Variants in NLGN1 observed in about 807,000 individuals in gnomAD.
The protein encoded by NLGN1 is neuroligin-1.
NLGN1 carries 12 observed loss-of-function variants against 65.5 expected under a neutral mutation model. That is an observed-to-expected ratio of 0.18 (90% CI 0.12 to 0.30). The LOEUF is 0.30. NLGN1 is among the 10% of genes least tolerant of loss of function. NLGN1 has a pLI of 1.00. For missense variants in NLGN1, 750 were observed against 1,007.1 expected, an observed-to-expected ratio of 0.74 and a Z score of 3.46; for synonymous variants, 350 against 359.5, an observed-to-expected ratio of 0.97 and a Z score of 0.30.
At chr3:173,881,558 G>A (rs13070833) in intron 4 of NLGN1, among the ~76,000 whole-genome samples, 1 of 151,520 alleles carries the variant, frequency 6.6e-6, no homozygotes, top group African/African-American at 2.4e-5. Context: ...CCGAGTAGCT[G>A]GGACTACAGG....
At chr3:173,961,647 A>T (rs1326660972) in intron 4 of NLGN1, among the ~76,000 whole-genome samples, 3 of 152,128 alleles carry the variant, frequency 2.0e-5, no homozygotes, top group Non-Finnish European at 4.4e-5. Flanking sequence ...GAAAAACCAT[A>T]TGAGAAGACA....
intron 4 of NLGN1, among the ~76,000 whole-genome samples, chr3:174,123,458 C>G (rs1330477362): frequency 1.3e-5 from 2 of 152,036 alleles, no homozygotes; most frequent in Admixed American, 6.6e-5. Context: ...GGGGTTTCTT[C>G]CCTGGTTTGG....
chr3:173,574,232 T>C (rs1489314433), intron 2 of NLGN1, among the ~76,000 whole-genome samples: 1 of 151,988 alleles, frequency 6.6e-6, no homozygotes, highest in East Asian at 1.9e-4. Context: ...TTAAATGTGC[T>C]CTTTTTATAA....
At chr3:173,748,247 T>C (rs1578241988) in intron 3 of NLGN1, among the ~76,000 whole-genome samples, 1 of 152,176 alleles carries the variant, frequency 6.6e-6, no homozygotes, top group African/African-American at 2.4e-5. Context: ...AAATTTCAAG[T>C]GTGGAAGATA....
intron 4 of NLGN1, among the ~76,000 whole-genome samples, chr3:173,808,525 A>G (rs908057816): frequency 3.9e-5 from 6 of 152,156 alleles, no homozygotes; most frequent in African/African-American, 1.4e-4. Context: ...CTTATACAAT[A>G]ACCAGTTTTT....
intron 1 of NLGN1, among the ~76,000 whole-genome samples, chr3:173,427,860 TGG>T (rs796879940): frequency 1.0e-3 from 146 of 143,326 alleles, no homozygotes; most frequent in African/African-American, 4.2e-3. Flanking sequence ...TTTTTTTTTT[TGG>T]TTGAGTTTCT....
chr3:173,840,434 G>C (rs1232508622), intron 4 of NLGN1, among the ~76,000 whole-genome samples: 1 of 152,172 alleles, frequency 6.6e-6, no homozygotes, highest in African/African-American at 2.4e-5. Flanking sequence ...GCATGTAAAA[G>C]TGGAGAGTAA....
intron 4 of NLGN1, among the ~76,000 whole-genome samples, chr3:174,215,962 C>G (rs920196429): frequency 6.6e-6 from 1 of 152,100 alleles, no homozygotes; most frequent in East Asian, 1.9e-4. Flanking sequence ...TACTTGCTCC[C>G]TCTTCAACAG....
intron 4 of NLGN1, among the ~76,000 whole-genome samples, chr3:174,225,486 C>T (rs1229070470): frequency 6.6e-6 from 1 of 152,176 alleles, no homozygotes; most frequent in Non-Finnish European, 1.5e-5. Flanking sequence ...AATCCCAGCA[C>T]TTTGGGAGGC....
chr3:173,740,736 G>C (rs1027936998), intron 3 of NLGN1, among the ~76,000 whole-genome samples: 2 of 152,074 alleles, frequency 1.3e-5, no homozygotes, highest in Non-Finnish European at 1.5e-5. Context: ...ATAGTTTATA[G>C]GCAAGGAAGC....
chr3:173,890,326 C>A (rs57066541), intron 4 of NLGN1, among the ~76,000 whole-genome samples: 24,954 of 152,028 alleles, frequency 0.16, 2,282 homozygotes, highest in East Asian at 0.34. Context: ...GAACCACCCA[C>A]ACACACTTGT....
At chr3:173,484,471 C>T (rs934420565) in intron 2 of NLGN1, among the ~76,000 whole-genome samples, 1 of 152,016 alleles carries the variant, frequency 6.6e-6, no homozygotes, top group Non-Finnish European at 1.5e-5. Flanking sequence ...GCTAGAAACA[C>T]ATTTTTAAAG....
At chr3:174,131,874 A>T (rs1170477236) in intron 4 of NLGN1, among the ~76,000 whole-genome samples, 1 of 152,204 alleles carries the variant, frequency 6.6e-6, no homozygotes, top group East Asian at 1.9e-4. Context: ...TAAATGAGGC[A>T]CTAGAATATA....
At chr3:173,669,760 A>G (rs755666024) in intron 3 of NLGN1, among the ~76,000 whole-genome samples, 4 of 152,130 alleles carry the variant, frequency 2.6e-5, no homozygotes, top group Middle Eastern at 3.2e-3. Context: ...TATTTTTGTT[A>G]TAATACAAGT....
rs184447441 is a variant in NLGN1, at chr3:174,153,888, T to A, written c.647-121427T>A. Among the ~76,000 whole-genome samples the A allele has an allele frequency of 2.9e-3, 448 of 152,246 alleles. 4 individuals are homozygous for A. The highest frequency in any genetic ancestry group is 0.01 in the African/African-American group (431 of 41,564). Reference sequence around the variant, plus strand: ...TGCCTGTGCTTTGAGTGAATTCAGCTGAATTTCTCTCCTTTGACTTAGTTG... The same window carrying A: ...TGCCTGTGCTTTGAGTGAATTCAGCAGAATTTCTCTCCTTTGACTTAGTTG... On this transcript the variant is annotated intron_variant, in intron 4 of 6. Coordinates refer to ENST00000457714, the Ensembl canonical transcript of NLGN1.
In NLGN1 at chr3:173,784,639, A is replaced by C. The variant is rs537900054; in HGVS notation, c.494-23041A>C. ...GAGAGAGGAGAGAGAGACAGAGAGA[A>C]AGACACCTTCAGAAACCCAAAGTCA... On this transcript the variant is annotated intron_variant, in intron 3 of 6. Transcript: ENST00000457714. 6.6e-5 allele frequency among the ~76,000 whole-genome samples: 10 copies of C among 152,230 alleles called. No homozygotes were observed. In the South Asian group the frequency reaches 1.7e-3, roughly 25 times the overall value.
intron 3 of NLGN1, among the ~76,000 whole-genome samples, chr3:173,665,012 T>A (rs969279495): frequency 6.6e-5 from 10 of 152,270 alleles, no homozygotes; most frequent in Admixed American, 2.6e-4. Flanking sequence ...TGGTTGGTCC[T>A]TATAAATATT....
chr3:173,620,686 A>C (rs1315809753), intron 3 of NLGN1, among the ~76,000 whole-genome samples: 1 of 152,144 alleles, frequency 6.6e-6, no homozygotes, highest in Non-Finnish European at 1.5e-5. Context: ...TTATTGAGTC[A>C]TCTTTTAAAA....
chr3:173,624,977 T>G, intron 3 of NLGN1, among the ~76,000 whole-genome samples: 1 of 152,116 alleles, frequency 6.6e-6, no homozygotes, highest in East Asian at 1.9e-4. Flanking sequence ...ATTTCATCCA[T>G]GTCAGTCTGG....
Sources: gnomAD v4.1 joint callset for allele counts (sites outside exome capture counted in the v4.1 genomes callset) on GRCh38, gnomAD v4.1.1 for gene constraint, MANE v1.5 for transcripts, NCBI Gene and HGNC (gene_info 2026-07-23, HGNC 2026-07-21) for gene names.